The following EBF4 variants were observed in gnomAD, a reference collection of about 807,000 sequenced individuals.
EBF4 encodes the protein transcription factor COE4.
In EBF4, 34 loss-of-function variants were observed where a neutral mutation model predicts 67.1. The ratio of observed to expected loss-of-function variants is 0.51; its 90% CI spans 0.39 to 0.67. The LOEUF is 0.67. Ranked by LOEUF, EBF4 falls within the 30% of genes least tolerant of loss-of-function variation. The pLI is 0.00. For missense variants in EBF4, 837 were observed against 873.3 expected (o/e 0.96, Z 0.52); for synonymous variants, 387 against 377.7 (o/e 1.02, Z -0.29).
chr20:2,737,926 T>C (rs539527470), intron 6 of EBF4, among the ~76,000 whole-genome samples: 12 of 149,942 alleles, frequency 8.0e-5, no homozygotes, highest in South Asian at 2.1e-4. Flanking sequence ...GATCGCGCCA[T>C]TGCACTCCAG....
chr20:2,696,985 T>C lies in EBF4; in HGVS notation c.137+3203T>C, dbSNP rs2087298237. ...GGCAGTCCATGGGGGATGGGGGTGA[T>C]GACTGTCTGCCGGAGGAAGCAGTAA... On this transcript the variant is annotated intron_variant, in intron 1 of 16. Coordinates refer to ENST00000609451, the Ensembl canonical transcript of EBF4. This position sits in a 1 kb window ranked among gnomAD's most constrained non-coding sequence, Gnocchi z 4.7. Among the ~76,000 whole-genome samples, 1 of 152,154 alleles carries C rather than the reference T, an allele frequency of 6.6e-6. No individual in the cohort carries two copies. Among genetic ancestry groups the C allele is most frequent in the South Asian group, 2.1e-4 (1 of 4,830 alleles).
In EBF4 at chr20:2,752,287, C is replaced by T. The variant is rs943248632; in HGVS notation, c.1351+24C>T. 1.4e-5 allele frequency: 17 copies of T among 1,217,392 alleles called. No individual in the cohort carries two copies. In the African/African-American group the frequency reaches 2.1e-4, roughly 15 times the overall value. 75.4% of individuals were successfully genotyped at this position (1,217,392 alleles called of 1,614,324 possible). A position where few individuals can be genotyped will look rare whatever the true frequency, so the allele number is the denominator to read the frequency against. On this transcript the variant is annotated intron_variant, in intron 13 of 16. Coordinates refer to ENST00000609451, the Ensembl canonical transcript of EBF4. Reference sequence around the variant, plus strand: ...GGGTGCGTGGGCCGCGCCTCCCCGCCGTCCTCGGGCGCCGCCACCGCCCCT... The same window carrying T: ...GGGTGCGTGGGCCGCGCCTCCCCGCTGTCCTCGGGCGCCGCCACCGCCCCT...
intron 1 of EBF4, among the ~76,000 whole-genome samples, chr20:2,698,331 C>T (rs545806178): frequency 6.6e-6 from 1 of 152,246 alleles, no homozygotes; most frequent in Non-Finnish European, 1.5e-5. Context: ...CTGCAGCCAC[C>T]AGGTCCTCCC....
chr20:2,714,672 A>G (rs2087585606), intron 6 of EBF4, among the ~76,000 whole-genome samples: 1 of 152,216 alleles, frequency 6.6e-6, no homozygotes, highest in Non-Finnish European at 1.5e-5. Flanking sequence ...TTGTATGTAA[A>G]TTATTGACTT....
chr20:2,752,347 T>C lies in EBF4; in HGVS notation c.1352-10T>C, dbSNP rs1395508381. ...GCACCGCCCCCTGACGGCCGCGCTC[T>C]CTCTCGCAGGCTACGCGCGCAGCTG... On this transcript the variant is annotated splice_polypyrimidine_tract_variant and intron_variant, in intron 13 of 16. Coordinates refer to ENST00000609451, the Ensembl canonical transcript of EBF4. 6 of 1,200,624 alleles carry C rather than the reference T, an allele frequency of 5.0e-6. No homozygotes were observed. Among genetic ancestry groups the C allele is most frequent in the Non-Finnish European group, 6.2e-6 (6 of 969,700 alleles). The allele number at this position is 1,200,624 out of a possible 1,614,324, so 74.4% of individuals were successfully genotyped here. A position where few individuals can be genotyped will look rare whatever the true frequency, so the allele number is the denominator to read the frequency against.
At position 2,696,269 on chromosome 20, in the gene EBF4, C is replaced by T. The variant is rs1416358146; in HGVS notation, c.137+2487C>T. On this transcript the variant is annotated intron_variant, in intron 1 of 16. Transcript: ENST00000609451. The surrounding 1 kb of genome is among the most constrained non-coding windows in gnomAD (Gnocchi z 4.7). Reference sequence around the variant, plus strand: ...GGCGTTTCACTTGAGGCCAGGAGTTCGAGACCAGCCTAGCCAACATGGTGA... The same window carrying T: ...GGCGTTTCACTTGAGGCCAGGAGTTTGAGACCAGCCTAGCCAACATGGTGA... 1.3e-5 allele frequency among the ~76,000 whole-genome samples: 2 copies of T among 152,230 alleles called. No homozygotes were observed. Among genetic ancestry groups the T allele is most frequent in the Middle Eastern group, 3.4e-3 (1 of 294 alleles).
intron 6 of EBF4, among the ~76,000 whole-genome samples, chr20:2,737,237 C>A (rs5026119): frequency 7.4e-6 from 1 of 134,354 alleles, no homozygotes; most frequent in South Asian, 2.4e-4. Context: ...GTAACAGGAG[C>A]GAAACTCCGT....
intron 5 of EBF4, among the ~76,000 whole-genome samples, chr20:2,709,293 C>CTGCAGCCTGCCCTT (rs2087504867): frequency 6.6e-6 from 1 of 152,178 alleles, no homozygotes; most frequent in South Asian, 2.1e-4. Context: ...TGTAGGTGAC[C>CTGCAGCCTGCCCTT]TGCAGCCTGC....
At chr20:2,731,448 C>A (rs2087812157) in intron 6 of EBF4, among the ~76,000 whole-genome samples, 1 of 152,152 alleles carries the variant, frequency 6.6e-6, no homozygotes, top group Admixed American at 6.6e-5. Flanking sequence ...ATAGGGCATG[C>A]AGCTTACTTA....
At chr20:2,726,669 A>G (rs191046732) in intron 6 of EBF4, among the ~76,000 whole-genome samples, 306 of 151,834 alleles carry the variant, frequency 2.0e-3, no homozygotes, top group African/African-American at 7.1e-3. Context: ...TTCCCCCATT[A>G]CTCTTATATT....
At chr20:2,709,592 G>C (rs759395586) in exon 6 of EBF4, 1 of 1,558,002 alleles carries the variant, frequency 6.4e-7, no homozygotes, top group Non-Finnish European at 8.7e-7. Flanking sequence ...GTGACCGGAA[G>C]AGCTGTGGCA....
chr20:2,756,742 T>C lies in EBF4; in HGVS notation c.1738+918T>C, dbSNP rs2088250031. ...TGTGGGGCACTGATCTGGAAGAGGT[T>C]GGGTTAGAGCACGTCCTATTGAGTA... On this transcript the variant is annotated intron_variant, in intron 15 of 16. Transcript: ENST00000609451. The surrounding 1 kb of genome is among the most constrained non-coding windows in gnomAD (Gnocchi z 4.5). Among the ~76,000 whole-genome samples the C allele has an allele frequency of 6.6e-6, 1 of 152,176 alleles. No individual in the cohort carries two copies. The highest frequency in any genetic ancestry group is 2.4e-5 in the African/African-American group (1 of 41,442).
At chr20:2,726,894 G>A (rs906600574) in intron 6 of EBF4, among the ~76,000 whole-genome samples, 2 of 151,878 alleles carry the variant, frequency 1.3e-5, no homozygotes, top group African/African-American at 4.8e-5. Context: ...TTTTCATCTT[G>A]CAAACCCGAA....
chr20:2,752,240 A>G (rs968440747), exon 13 of EBF4: 2 of 1,315,750 alleles, frequency 1.5e-6, no homozygotes, highest in Admixed American at 3.4e-5. Context: ...GCCGTCGGGG[A>G]CGCCACCCCG....
At chr20:2,736,273 T>TTG (rs2087875804) in intron 6 of EBF4, among the ~76,000 whole-genome samples, 1 of 152,136 alleles carries the variant, frequency 6.6e-6, no homozygotes. Flanking sequence ...TGGCATTTAA[T>TTG]TGTGCCTGCT....
chr20:2,704,251 C>T (rs2087419014), intron 1 of EBF4, among the ~76,000 whole-genome samples: 1 of 152,076 alleles, frequency 6.6e-6, no homozygotes, highest in Non-Finnish European at 1.5e-5. Flanking sequence ...TGCAGAGCAC[C>T]AGCCCTAGCC....
chr20:2,749,814 C>CG, intron 9 of EBF4, 33 bp from the exon 10 acceptor site: 1 of 1,542,460 alleles, frequency 6.5e-7, no homozygotes, highest in Non-Finnish European at 8.8e-7. Flanking sequence ...CTCGCCGGTG[C>CG]GGGACCTGCA....
At position 2,693,732 on chromosome 20, in the gene EBF4, C is replaced by T. The variant is rs1305267846; in HGVS notation, c.87C>T (p.Arg29=). ...TGCCCGCCGGCCTGGGCTCAGTGCG[C>T]TCCTGGATGCAGGGCGCGGGCATCC... Residue 29 remains arginine (R), a synonymous_variant, in exon 1 of 17, where the codon CGC becomes CGT. Transcript: ENST00000609451. This position sits in a 1 kb window ranked among gnomAD's most constrained non-coding sequence, Gnocchi z 4.6. 1 of 1,371,470 alleles carries T rather than the reference C, an allele frequency of 7.3e-7. No homozygotes were observed. The highest frequency in any genetic ancestry group is 9.4e-7 in the Non-Finnish European group (1 of 1,068,680). The allele number at this position is 1,371,470 out of a possible 1,614,324, so 85.0% of individuals were successfully genotyped here.
chr20:2,732,998 G>C (rs2087834820), intron 6 of EBF4, among the ~76,000 whole-genome samples: 1 of 152,134 alleles, frequency 6.6e-6, no homozygotes, highest in African/African-American at 2.4e-5. Context: ...ATCTGTTCAT[G>C]TTAATTCATA....
Sources: allele counts gnomAD v4.1 joint callset (sites outside exome capture counted in the v4.1 genomes callset), GRCh38; gene constraint gnomAD v4.1.1; non-coding constraint Gnocchi (gnomAD v3.1); transcripts MANE v1.5; gene names NCBI Gene and HGNC (gene_info 2026-07-23, HGNC 2026-07-21).